The following LRMDA variants were observed in gnomAD, a reference collection of about 807,000 sequenced individuals.
The protein encoded by LRMDA is leucine-rich melanocyte differentiation-associated protein.
Under a neutral mutation model 29.8 loss-of-function variants are expected in LRMDA, and 18 were observed. The ratio of observed to expected loss-of-function variants is 0.60; its 90% CI spans 0.42 to 0.90. The LOEUF (loss-of-function observed/expected upper bound fraction) is 0.90. Among genes scored for constraint, LRMDA ranks in the 40% least tolerant of loss-of-function variants. LRMDA has a pLI of 0.00. For synonymous variants in LRMDA, 125 were observed against 109.4 expected (o/e 1.14, Z -0.89); for missense variants, 273 against 273.9 (o/e 1.00, Z 0.02).
chr10:75,788,394 A>G (rs903595473), intron 2 of LRMDA, among the ~76,000 whole-genome samples: 10 of 152,226 alleles, frequency 6.6e-5, no homozygotes, highest in Admixed American at 5.2e-4. Context: ...CTGGAGTTCC[A>G]GTCATATCAT....
chr10:76,482,524 T>G (rs894681060), intron 6 of LRMDA, among the ~76,000 whole-genome samples: 5 of 151,982 alleles, frequency 3.3e-5, no homozygotes, highest in African/African-American at 1.2e-4. Context: ...GTAGCAGAAC[T>G]TTGTTCATTC....
chr10:75,803,283 T>G (rs1330039537), intron 2 of LRMDA, among the ~76,000 whole-genome samples: 1 of 152,220 alleles, frequency 6.6e-6, no homozygotes, highest in Non-Finnish European at 1.5e-5. Flanking sequence ...GTTTTCAGGC[T>G]GCAAGTGAGT....
intron 2 of LRMDA, among the ~76,000 whole-genome samples, chr10:75,610,392 CAT>C: frequency 6.6e-6 from 1 of 151,640 alleles, no homozygotes; most frequent in Admixed American, 6.6e-5. Flanking sequence ...CCACATACAA[CAT>C]ACACACCATT....
intron 6 of LRMDA, among the ~76,000 whole-genome samples, chr10:76,432,481 A>G (rs921760947): frequency 1.1e-4 from 16 of 152,200 alleles, no homozygotes; most frequent in Non-Finnish European, 2.4e-4. Context: ...AGCTATGCGG[A>G]ATTCTAGCAT....
intron 2 of LRMDA, among the ~76,000 whole-genome samples, chr10:75,662,258 G>A (rs1012019766): frequency 1.3e-5 from 2 of 152,194 alleles, no homozygotes; most frequent in African/African-American, 4.8e-5. Flanking sequence ...TGATGAAGTA[G>A]AGATGAAATA....
intron 2 of LRMDA, among the ~76,000 whole-genome samples, chr10:75,643,575 C>T (rs1217227648): frequency 1.3e-5 from 2 of 152,176 alleles, no homozygotes; most frequent in African/African-American, 4.8e-5. Flanking sequence ...GGCAATGTCA[C>T]ATTCTAGAAG....
chr10:76,019,955 C>T (rs186440056), intron 2 of LRMDA, among the ~76,000 whole-genome samples: 124 of 152,048 alleles, frequency 8.2e-4, no homozygotes, highest in Non-Finnish European at 1.5e-3. Context: ...AGGTGGTCCA[C>T]GAGCCACTCT....
At chr10:75,825,519 G>T (rs1468493764) in intron 2 of LRMDA, among the ~76,000 whole-genome samples, 1 of 152,176 alleles carries the variant, frequency 6.6e-6, no homozygotes, top group Non-Finnish European at 1.5e-5. Flanking sequence ...AAGGCTGCCT[G>T]GAGATGCATG....
At chr10:76,444,180 G>A (rs1346704274) in intron 6 of LRMDA, among the ~76,000 whole-genome samples, 1 of 152,188 alleles carries the variant, frequency 6.6e-6, no homozygotes, top group African/African-American at 2.4e-5. Context: ...GAGGGGTGCG[G>A]TTTTCCTCTG....
At chr10:76,434,388 C>T (rs1002239027) in intron 6 of LRMDA, among the ~76,000 whole-genome samples, 1 of 151,954 alleles carries the variant, frequency 6.6e-6, no homozygotes, top group African/African-American at 2.4e-5. Flanking sequence ...CTCCCTCTTT[C>T]TCTCCCCTTT....
intron 6 of LRMDA, among the ~76,000 whole-genome samples, chr10:76,374,526 C>T (rs1400055658): frequency 1.3e-5 from 2 of 152,172 alleles, no homozygotes; most frequent in Non-Finnish European, 1.5e-5. Flanking sequence ...ATGAGGTAGA[C>T]AAGTACTTCT....
intron 2 of LRMDA, among the ~76,000 whole-genome samples, chr10:76,016,323 C>T (rs888878492): frequency 1.3e-5 from 2 of 150,852 alleles, no homozygotes; most frequent in East Asian, 3.9e-4. Context: ...ATTGCCCTTA[C>T]ATTGGGTGGC....
chr10:76,080,106 C>T (rs999903878), intron 5 of LRMDA, among the ~76,000 whole-genome samples: 4 of 152,038 alleles, frequency 2.6e-5, no homozygotes, highest in Non-Finnish European at 4.4e-5. Flanking sequence ...CATTATTGTT[C>T]GCCCAATCTC....
intron 2 of LRMDA, among the ~76,000 whole-genome samples, chr10:75,980,145 C>A: frequency 6.6e-6 from 1 of 152,152 alleles, no homozygotes; most frequent in East Asian, 1.9e-4. Flanking sequence ...AGGGATAATT[C>A]GTGATGGAGA....
At chr10:76,103,384 T>C (rs1426911267) in intron 5 of LRMDA, among the ~76,000 whole-genome samples, 1 of 152,210 alleles carries the variant, frequency 6.6e-6, no homozygotes, top group Admixed American at 6.5e-5. Flanking sequence ...GAGAGTTTCC[T>C]CATCATGCAG....
At chr10:75,858,845 A>G (rs1164979923) in intron 2 of LRMDA, among the ~76,000 whole-genome samples, 1 of 152,160 alleles carries the variant, frequency 6.6e-6, no homozygotes, top group Non-Finnish European at 1.5e-5. Flanking sequence ...CTCTACCCCT[A>G]ATCTCTTCCC....
intron 2 of LRMDA, among the ~76,000 whole-genome samples, chr10:75,925,999 A>C (rs1589255632): frequency 1.3e-5 from 2 of 152,292 alleles, no homozygotes; most frequent in Admixed American, 1.3e-4. Context: ...GCAGAGAAGG[A>C]AACTGAGCCC....
At chr10:75,891,640 A>G (rs1241203728) in intron 2 of LRMDA, among the ~76,000 whole-genome samples, 1 of 152,116 alleles carries the variant, frequency 6.6e-6, no homozygotes, top group African/African-American at 2.4e-5. Context: ...GCTTTGACAT[A>G]ATTTGACTTG....
In LRMDA at chr10:76,524,978, G is replaced by T. The variant is rs540265050; in HGVS notation, c.602-32231G>T. Among the ~76,000 whole-genome samples, 6 of 152,236 alleles carry T rather than the reference G, an allele frequency of 3.9e-5. 1 individual carries two copies. In the South Asian group the frequency reaches 1.0e-3, roughly 26 times the overall value. ...AATAATTAGAAACGTTTTAGACAAA[G>T]GATATCGTGTTTTTAATGTCCCTTC... On this transcript the variant is annotated intron_variant, in intron 6 of 6. Coordinates refer to ENST00000611255, the MANE Select transcript of LRMDA (RefSeq NM_001305581.2).
Sources: allele counts gnomAD v4.1 joint callset (sites outside exome capture counted in the v4.1 genomes callset), GRCh38; gene constraint gnomAD v4.1.1; transcripts MANE v1.5; gene names NCBI Gene and HGNC (gene_info 2026-07-23, HGNC 2026-07-21).